Variants in FHIT observed in about 807,000 individuals in gnomAD.
The protein encoded by FHIT is fragile histidine triad diadenosine triphosphatase.
Under a neutral mutation model 17.9 loss-of-function variants are expected in FHIT, and 19 were observed. The observed-to-expected ratio is 1.06, with a 90% CI of 0.74 to 1.56. The LOEUF (loss-of-function observed/expected upper bound fraction) is 1.56, where lower values mean the gene tolerates loss of function less well. Ranked by LOEUF, FHIT falls within the 40% of genes most tolerant of loss-of-function variation. FHIT has a pLI of 0.00. For missense variants in FHIT, 248 were observed against 189.2 expected, an observed-to-expected ratio of 1.31 and a Z score of -1.82; for synonymous variants, 81 against 69.7, an observed-to-expected ratio of 1.16 and a Z score of -0.81.
chr3:59,813,093 C>G (rs1700464782), intron 8 of FHIT, among the ~76,000 whole-genome samples: 2 of 152,190 alleles, frequency 1.3e-5, no homozygotes. Context: ...ACTCCTGTTA[C>G]TGCTCAAAAC....
At chr3:60,483,466 A>T (rs996002285) in intron 5 of FHIT, among the ~76,000 whole-genome samples, 3 of 152,224 alleles carry the variant, frequency 2.0e-5, no homozygotes, top group African/African-American at 7.2e-5. Context: ...AGCACATCAA[A>T]AAACTTATCC....
chr3:60,123,965 AAAATATAT>A lies in FHIT; in HGVS notation c.104-109821_104-109814del, dbSNP rs1404581491. Among the ~76,000 whole-genome samples the A allele has an allele frequency of 3.8e-3, 206 of 54,382 alleles. 6 individuals are homozygous for A. Among genetic ancestry groups the A allele is most frequent in the African/African-American group, 0.013 (152 of 11,658 alleles). The allele number at this position is 54,382 out of a possible 152,430, so 35.7% of individuals were successfully genotyped here. A position where few individuals can be genotyped will look rare whatever the true frequency, so the allele number is the denominator to read the frequency against. ...CACTTCCATTAACAGAAATGCACTA[AAAATATAT>A]ATATATATATATATATATATATATA... On this transcript the variant is annotated intron_variant, in intron 5 of 9. Transcript: ENST00000492590.
intron 5 of FHIT, among the ~76,000 whole-genome samples, chr3:60,499,062 T>C (rs527582485): frequency 1.3e-5 from 2 of 152,072 alleles, no homozygotes; most frequent in Admixed American, 1.3e-4. Context: ...CTTCATAGTG[T>C]TTGCTTTGCT....
At chr3:61,167,133 G>A (rs778173887) in intron 2 of FHIT, 1 of 152,080 alleles carries the variant, frequency 6.6e-6, no homozygotes, top group Non-Finnish European at 1.5e-5. Flanking sequence ...CAGAATGGGT[G>A]ATTTAGAAAC....
intron 7 of FHIT, among the ~76,000 whole-genome samples, chr3:59,980,972 T>A (rs1467944472): frequency 6.6e-6 from 1 of 152,158 alleles, no homozygotes; most frequent in Non-Finnish European, 1.5e-5. Flanking sequence ...ATAACATTAG[T>A]TTCTCTTGAC....
At chr3:60,637,097 G>A (rs2039607272) in intron 4 of FHIT, among the ~76,000 whole-genome samples, 1 of 151,998 alleles carries the variant, frequency 6.6e-6, no homozygotes. Flanking sequence ...CTGAGTCACT[G>A]CAAAAGAATC....
At chr3:60,159,174 G>A (rs1469595310) in intron 5 of FHIT, among the ~76,000 whole-genome samples, 1 of 152,116 alleles carries the variant, frequency 6.6e-6, no homozygotes, top group Non-Finnish European at 1.5e-5. Context: ...AGGCGGGAGT[G>A]CAGTAACCCG....
intron 5 of FHIT, among the ~76,000 whole-genome samples, chr3:60,238,931 A>G (rs929162254): frequency 6.6e-6 from 1 of 152,234 alleles, no homozygotes; most frequent in Non-Finnish European, 1.5e-5. Flanking sequence ...AATCCTGCAA[A>G]GAAAATTAAA....
At position 61,244,539 on chromosome 3, in the gene FHIT, A is replaced by G. The variant is rs567538761; in HGVS notation, c.-213+6762T>C. 2.0e-5 allele frequency among the ~76,000 whole-genome samples: 3 copies of G among 152,286 alleles called. No individual in the cohort carries two copies. The South Asian group carries it at 6.2e-4, about 32-fold the overall frequency. On this transcript the variant is annotated intron_variant, in intron 1 of 9. Transcript: ENST00000492590. ...TGAATGAATTTGAGAAGACAGCAGA[A>G]GCCAGAAGGTCAGAGGTCACTCTCT...
intron 3 of FHIT, among the ~76,000 whole-genome samples, chr3:60,983,255 A>C (rs1406614260): frequency 6.6e-6 from 1 of 151,914 alleles, no homozygotes; most frequent in Non-Finnish European, 1.5e-5. Flanking sequence ...AATTTATTGG[A>C]ATGTGCCATC....
intron 5 of FHIT, among the ~76,000 whole-genome samples, chr3:60,479,860 C>T (rs1161517659): frequency 6.6e-6 from 1 of 152,170 alleles, no homozygotes; most frequent in African/African-American, 2.4e-5. Context: ...TCCCCCATGA[C>T]CCCTGTCTGT....
At chr3:59,914,326 G>A (rs971874363) in intron 8 of FHIT, among the ~76,000 whole-genome samples, 3 of 151,930 alleles carry the variant, frequency 2.0e-5, no homozygotes, top group Non-Finnish European at 4.4e-5. Context: ...ACGTCACCCC[G>A]CAGTGACAAA....
At chr3:60,021,904 G>A (rs1575907176) in intron 5 of FHIT, among the ~76,000 whole-genome samples, 1 of 152,136 alleles carries the variant, frequency 6.6e-6, no homozygotes, top group East Asian at 1.9e-4. Context: ...AAAAAACTGT[G>A]CGGTCAAAGA....
At chr3:59,984,315 G>T (rs1708791581) in intron 7 of FHIT, among the ~76,000 whole-genome samples, 1 of 151,982 alleles carries the variant, frequency 6.6e-6, no homozygotes, top group African/African-American at 2.4e-5. Flanking sequence ...GTGGAAGTAA[G>T]ACAGGGGAAA....
chr3:60,394,310 C>G (rs1701349332), intron 5 of FHIT, among the ~76,000 whole-genome samples: 1 of 152,210 alleles, frequency 6.6e-6, no homozygotes, highest in Admixed American at 6.5e-5. Flanking sequence ...AACCCACTCT[C>G]TATGCAATTT....
At chr3:60,035,996 G>A (rs962082165) in intron 5 of FHIT, among the ~76,000 whole-genome samples, 1 of 152,170 alleles carries the variant, frequency 6.6e-6, no homozygotes, top group African/African-American at 2.4e-5. Flanking sequence ...TGATATCCAG[G>A]CTAAGAGAGC....
intron 1 of FHIT, among the ~76,000 whole-genome samples, chr3:61,204,286 C>G (rs1344454089): frequency 6.6e-6 from 1 of 152,028 alleles, no homozygotes; most frequent in Non-Finnish European, 1.5e-5. Context: ...GGGGGGGCTT[C>G]TGGAATATGG....
intron 4 of FHIT, among the ~76,000 whole-genome samples, chr3:60,776,730 C>T (rs1341108053): frequency 5.9e-5 from 9 of 152,128 alleles, no homozygotes; most frequent in African/African-American, 2.2e-4. Context: ...TTAATTGAAT[C>T]CACTAGAAAT....
intron 5 of FHIT, among the ~76,000 whole-genome samples, chr3:60,446,857 AAATAATAATAATAATAATAATAAT>A: frequency 7.2e-6 from 1 of 139,028 alleles, no homozygotes; most frequent in Non-Finnish European, 1.5e-5. Context: ...TATCTCATTA[AAATAATAATAATAATAATAATAAT>A]AATAATAATA....
Sources: allele counts gnomAD v4.1 joint callset (sites outside exome capture counted in the v4.1 genomes callset), GRCh38; gene constraint gnomAD v4.1.1; transcripts MANE v1.5; gene names NCBI Gene and HGNC (gene_info 2026-07-23, HGNC 2026-07-21).